Variants in SLC2A14 observed in about 807,000 individuals in gnomAD.
The protein encoded by SLC2A14 is solute carrier family 2 member 14, also known as solute carrier family 2, facilitated glucose transporter member 14.
Under a neutral mutation model 43.0 loss-of-function variants are expected in SLC2A14, and 13 were observed. The observed-to-expected ratio is 0.30, with a 90% CI of 0.20 to 0.48. The LOEUF (loss-of-function observed/expected upper bound fraction) is 0.48. SLC2A14 is among the 20% of genes least tolerant of loss of function. The pLI, the probability that SLC2A14 is intolerant of heterozygous loss-of-function variation, is 0.99. For missense variants in SLC2A14, 428 were observed against 620.4 expected, an observed-to-expected ratio of 0.69 and a Z score of 3.29; for synonymous variants, 190 against 233.8, an observed-to-expected ratio of 0.81 and a Z score of 1.71.
chr12:7,870,711 TG>T, intron 1 of SLC2A14: 1 of 360,438 alleles, frequency 2.8e-6, no homozygotes, highest in Non-Finnish European at 4.3e-6. Context: ...CATTCACACT[TG>T]GAAAAAACAA....
chr12:7,881,674 G>A (rs75931600), intron 1 of SLC2A14, among the ~76,000 whole-genome samples: 13,085 of 152,210 alleles, frequency 0.086, 727 homozygotes, highest in East Asian at 0.17. Context: ...CAGGGTGCGG[G>A]ACTGGCAGAC....
intron 2 of SLC2A14, among the ~76,000 whole-genome samples, chr12:7,840,340 C>T (rs772459583): frequency 1.3e-5 from 2 of 151,890 alleles, no homozygotes; most frequent in Non-Finnish European, 2.9e-5. Flanking sequence ...GTGAGAAATA[C>T]ATTTCTACTG....
rs560685351 is a variant in SLC2A14 at position 7,858,779 on chromosome 12, G to A, written c.18+11084C>T. On this transcript the variant is annotated intron_variant, in intron 2 of 10. Transcript: ENST00000431042. Reference sequence around the variant, plus strand: ...CTCCCAAAGTGCTGGGATTACAGGCGTGAACCACCCTGCCCAGCCCCAAAT... The same window carrying A: ...CTCCCAAAGTGCTGGGATTACAGGCATGAACCACCCTGCCCAGCCCCAAAT... Among the ~76,000 whole-genome samples, 6 of 152,050 alleles carry A rather than the reference G, an allele frequency of 3.9e-5. No homozygotes were observed. In the South Asian group the frequency reaches 8.3e-4, roughly 21 times the overall value.
At chr12:7,850,165 A>T (rs1350742045) in intron 2 of SLC2A14, among the ~76,000 whole-genome samples, 1 of 152,056 alleles carries the variant, frequency 6.6e-6, no homozygotes, top group African/African-American at 2.4e-5. Flanking sequence ...AAGATTAGAC[A>T]AGAGCATTTC....
intron 2 of SLC2A14, among the ~76,000 whole-genome samples, chr12:7,844,020 A>G (rs1425282423): frequency 6.6e-6 from 1 of 152,004 alleles, no homozygotes; most frequent in Non-Finnish European, 1.5e-5. Flanking sequence ...GCAGATAAAA[A>G]TGCACTAATC....
intron 1 of SLC2A14, among the ~76,000 whole-genome samples, chr12:7,878,993 A>AC (rs1166254818): frequency 0.1 from 13,960 of 137,526 alleles, 1,117 homozygotes; most frequent in Non-Finnish European, 0.12. Context: ...AAAAAAAAAA[A>AC]AAAAAAAAAA....
In SLC2A14 at chr12:7,871,152, C is replaced by T. The variant is rs1945210272; in HGVS notation, c.-57-1215G>A. Reference sequence around the variant, plus strand: ...GGGAGAAGCTGAATGGAACAGACCCCCAGGATGTGATCCAAAACGCCTTCA... The same window carrying T: ...GGGAGAAGCTGAATGGAACAGACCCTCAGGATGTGATCCAAAACGCCTTCA... On this transcript the variant is annotated intron_variant, in intron 1 of 10. Transcript: ENST00000431042. 3.9e-6 allele frequency: 5 copies of T among 1,283,496 alleles called. No homozygotes were observed. In the South Asian group the frequency reaches 7.7e-5, roughly 20 times the overall value. 79.5% of individuals were successfully genotyped at this position (1,283,496 alleles called of 1,614,324 possible).
chr12:7,846,291 T>C (rs1220015524), intron 2 of SLC2A14, among the ~76,000 whole-genome samples: 6 of 151,922 alleles, frequency 3.9e-5, no homozygotes, highest in Non-Finnish European at 8.8e-5. Context: ...TAACCAATTT[T>C]ATTTACAGAT....
chr12:7,890,247 G>A (rs770114463), intron 1 of SLC2A14, among the ~76,000 whole-genome samples: 34 of 152,116 alleles, frequency 2.2e-4, no homozygotes, highest in Admixed American at 1.8e-3. Context: ...GTTAGTTGCC[G>A]TGTTCTCTGC....
Position 7,854,497 on chromosome 12 carries a change from T to C in SLC2A14, c.18+15366A>G, listed in dbSNP as rs762504044. 9.3e-4 allele frequency among the ~76,000 whole-genome samples: 142 copies of C among 152,278 alleles called. 2 individuals carry two copies. Among genetic ancestry groups the C allele is most frequent in the African/African-American group, 3.1e-3 (128 of 41,566 alleles). On this transcript the variant is annotated intron_variant, in intron 2 of 10. Coordinates refer to ENST00000431042, the MANE Select transcript of SLC2A14 (RefSeq NM_001286234.2). ...TTTTCTTTTGTTTTTTGTTTGTTTGTTTGCTTTTTGAGATGGAGTTTCACT... is the reference window on the plus strand; with the variant it reads ...TTTTCTTTTGTTTTTTGTTTGTTTGCTTGCTTTTTGAGATGGAGTTTCACT...
chr12:7,875,198 A>G (rs181934367), upstream of SLC2A14, among the ~76,000 whole-genome samples: 1,754 of 46,592 alleles, frequency 0.038, 138 homozygotes, highest in East Asian at 0.32. Context: ...AATATATTAA[A>G]ATATATTTAT....
At chr12:7,871,944 G>A in intron 1 of SLC2A14, 1 of 981,102 alleles carries the variant, frequency 1.0e-6, no homozygotes, top group Non-Finnish European at 1.2e-6. Flanking sequence ...ATCTCCAATA[G>A]AGGGCTGAGC....
chr12:7,817,703 G>A (rs1208210441), intron 10 of SLC2A14, 128 bp downstream of exon 10: 34 of 1,133,126 alleles, frequency 3.0e-5, no homozygotes, highest in African/African-American at 9.4e-5. Flanking sequence ...AGCTGAGATC[G>A]GGCAACTGCA....
chr12:7,883,209 C>T (rs897104543), intron 1 of SLC2A14, among the ~76,000 whole-genome samples: 1 of 150,350 alleles, frequency 6.7e-6, no homozygotes, highest in African/African-American at 2.4e-5. Flanking sequence ...GTCTCAGTCT[C>T]AAAAAACAAT....
intron 2 of SLC2A14, among the ~76,000 whole-genome samples, chr12:7,854,264 T>C (rs1463584022): frequency 6.6e-6 from 1 of 152,114 alleles, no homozygotes; most frequent in African/African-American, 2.4e-5. Context: ...GTTCACCAAA[T>C]TGCAAAAGCT....
chr12:7,828,503 C>T (rs1055120099), intron 6 of SLC2A14, among the ~76,000 whole-genome samples: 4 of 151,984 alleles, frequency 2.6e-5, no homozygotes, highest in South Asian at 2.1e-4. Flanking sequence ...GAACCGAGAT[C>T]GCACCACTGC....
At chr12:7,841,937 AGAGGTTACAGTGAGCC>A (rs1433119191) in intron 2 of SLC2A14, among the ~76,000 whole-genome samples, 1 of 151,730 alleles carries the variant, frequency 6.6e-6, no homozygotes, top group Non-Finnish European at 1.5e-5. Flanking sequence ...CCCAGGAGGC[AGAGGTTACAGTGAGCC>A]GAGATTGCAC....
In SLC2A14 at chr12:7,838,093, A is replaced by AT. The variant is rs71451921; in HGVS notation, c.19-5280dup. Among the ~76,000 whole-genome samples the AT allele has an allele frequency of 2.0e-4, 29 of 143,440 alleles. 1 individual carries two copies. In the South Asian group the frequency reaches 4.9e-3, roughly 24 times the overall value. 94.1% of individuals were successfully genotyped at this position (143,440 alleles called of 152,430 possible). On this transcript the variant is annotated intron_variant, in intron 2 of 10. Transcript: ENST00000431042. ...GTTGTTGTTATGTGTTTTTACCACA[A>AT]TTTTTTTTTTTCGAGACAGAATCTC... is the stretch of plus-strand genomic sequence containing the variant.
Position 7,842,614 on chromosome 12 carries a change from C to T in SLC2A14, c.19-9800G>A, listed in dbSNP as rs141963032. Among the ~76,000 whole-genome samples, 1,061 of 152,252 alleles carry T rather than the reference C, an allele frequency of 7.0e-3. 4 individuals are homozygous for T. Among genetic ancestry groups the T allele is most frequent in the Middle Eastern group, 0.02 (6 of 294 alleles). Reference sequence around the variant, plus strand: ...TGTCCTTCTTTCTCTGTGTAGCTATCAGTGGGACACAATCACCAGGCTACC... The same window carrying T: ...TGTCCTTCTTTCTCTGTGTAGCTATTAGTGGGACACAATCACCAGGCTACC... On this transcript the variant is annotated intron_variant, in intron 2 of 10. Transcript: ENST00000431042.
Sources: gnomAD v4.1 joint callset for allele counts (sites outside exome capture counted in the v4.1 genomes callset) on GRCh38, gnomAD v4.1.1 for gene constraint, MANE v1.5 for transcripts, NCBI Gene and HGNC (gene_info 2026-07-23, HGNC 2026-07-21) for gene names.